EMCN: variants seen among roughly 807,000 people sequenced by gnomAD.
EMCN encodes the protein MUC-14.
EMCN carries 37 observed loss-of-function variants against 38.4 expected under a neutral mutation model. The observed-to-expected ratio is 0.96, with a 90% CI of 0.74 to 1.27. The LOEUF (loss-of-function observed/expected upper bound fraction) is 1.27. Ranked by LOEUF, EMCN falls within the 50% of genes most tolerant of loss-of-function variation. EMCN has a pLI of 0.00. For missense variants in EMCN, 318 were observed against 302.8 expected, an observed-to-expected ratio of 1.05 and a Z score of -0.37; for synonymous variants, 95 against 100.8, an observed-to-expected ratio of 0.94 and a Z score of 0.35.
At chr4:100,434,951 C>T (rs1227400116) in intron 5 of EMCN, among the ~76,000 whole-genome samples, 1 of 152,106 alleles carries the variant, frequency 6.6e-6, no homozygotes, top group Non-Finnish European at 1.5e-5. Flanking sequence ...AAGCATTCCC[C>T]TTGAAAACCA....
chr4:100,413,714 T>C (rs1001479818), intron 10 of EMCN, among the ~76,000 whole-genome samples: 1 of 152,222 alleles, frequency 6.6e-6, no homozygotes, highest in Non-Finnish European at 1.5e-5. Context: ...ATGGTAATCA[T>C]CTGGGTTGCC....
chr4:100,463,493 T>TA (rs754301293), intron 4 of EMCN, among the ~76,000 whole-genome samples: 8 of 152,260 alleles, frequency 5.3e-5, no homozygotes, highest in African/African-American at 1.7e-4. Context: ...CAAAGCTTTA[T>TA]AAAAAATATG....
In EMCN at chr4:100,465,473, C is replaced by T. The variant is rs1728290182; in HGVS notation, c.326G>A (p.Ser109Asn). The T allele has an allele frequency of 1.2e-6, 2 of 1,609,240 alleles. No homozygotes were observed. The highest frequency in any genetic ancestry group is 2.2e-5 in the East Asian group (1 of 44,720). ...TGAAACAGCATTTGGAAGTGTAACA[C>T]TTGTTACTGTTACGTTTGAAATGAT... ...DSIISNVTVT[S>N]VTLPNAVSTL... The change falls in exon 4 of 12, where the codon AGT becomes AAT. Residue 109 changes from serine (S) to asparagine (N), a missense_variant. Physicochemically the swap from Ser to Asn is conservative, Grantham distance 46. Transcript: ENST00000296420.
intron 5 of EMCN, among the ~76,000 whole-genome samples, chr4:100,429,660 G>A (rs1022531083): frequency 1.3e-5 from 2 of 152,026 alleles, no homozygotes; most frequent in Non-Finnish European, 2.9e-5. Flanking sequence ...GGAGATTAAC[G>A]TACTTTAATT....
intron 4 of EMCN, among the ~76,000 whole-genome samples, chr4:100,448,847 C>CCTTCCTTG (rs1560619363): frequency 1.3e-5 from 2 of 150,340 alleles, no homozygotes; most frequent in Admixed American, 6.6e-5. Flanking sequence ...TCCCTCCCTT[C>CCTTCCTTG]CTTGCTTTCT....
chr4:100,421,231 C>T, intron 8 of EMCN, 51 bp downstream of exon 8: 2 of 1,423,676 alleles, frequency 1.4e-6, no homozygotes, highest in Non-Finnish European at 2.0e-6. Flanking sequence ...CAAGTTTAAA[C>T]TGAGCATTCA....
intron 5 of EMCN, among the ~76,000 whole-genome samples, chr4:100,434,669 T>C (rs181328374): frequency 6.6e-6 from 1 of 152,248 alleles, no homozygotes; most frequent in Admixed American, 6.5e-5. Context: ...TCAAAAAGCT[T>C]ATCCACCATG....
At chr4:100,420,390 T>C (rs1726854787) in intron 8 of EMCN, among the ~76,000 whole-genome samples, 1 of 151,968 alleles carries the variant, frequency 6.6e-6, no homozygotes, top group Non-Finnish European at 1.5e-5. Context: ...AGTTGGAGAT[T>C]AGGTATGTTA....
intron 8 of EMCN, 37 bp from the exon 9 acceptor site, chr4:100,417,178 A>C: frequency 1.2e-6 from 2 of 1,611,986 alleles, no homozygotes; most frequent in Non-Finnish European, 1.7e-6. Context: ...AGTTGCAAAG[A>C]AGTTGGCTAC....
chr4:100,409,421 A>T (rs1726487402), intron 11 of EMCN, among the ~76,000 whole-genome samples: 2 of 152,184 alleles, frequency 1.3e-5, no homozygotes, highest in African/African-American at 4.8e-5. Context: ...ATTCCAAAGC[A>T]GGTTTAACGT....
At chr4:100,488,993 T>G (rs1182281842) in intron 1 of EMCN, among the ~76,000 whole-genome samples, 1 of 152,180 alleles carries the variant, frequency 6.6e-6, no homozygotes, top group Admixed American at 6.5e-5. Context: ...AATAATTACT[T>G]TTATTTACAT....
chr4:100,473,373 G>GTTTTTTTTTTTTTTTTT lies in EMCN; in HGVS notation c.259+1664_259+1665insAAAAAAAAAAAAAAAAA, dbSNP rs1256284835. Among the ~76,000 whole-genome samples, 99 of 66,004 alleles carry GTTTTTTTTTTTTTTTTT rather than the reference G, an allele frequency of 1.5e-3. 5 individuals carry two copies. The highest frequency in any genetic ancestry group is 2.3e-3 in the Non-Finnish European group (77 of 33,516). 43.3% of individuals were successfully genotyped at this position (66,004 alleles called of 152,430 possible). A position where few individuals can be genotyped will look rare whatever the true frequency, so the allele number is the denominator to read the frequency against. On this transcript the variant is annotated intron_variant, in intron 3 of 11. Coordinates refer to ENST00000296420, the MANE Select transcript of EMCN (RefSeq NM_016242.4). Reference sequence around the variant, plus strand: ...GGCATTTCCCGTTTCGTGTTTTTTTGTTTTTTTTTTTTGTTTTTTTTTTTG... The same window carrying GTTTTTTTTTTTTTTTTT: ...GGCATTTCCCGTTTCGTGTTTTTTTGTTTTTTTTTTTTTTTTTTTTTTTTTTTTTGTTTTTTTTTTTG...
In EMCN at chr4:100,412,682, A is replaced by G. The variant is rs1726597373; in HGVS notation, c.752-2327T>C. ...TCTTATGAAGGACTCCTTGATCTGC[A>G]ACATTTGATGCCCATTTTTTTTCCT... is the stretch of plus-strand genomic sequence containing the variant. On this transcript the variant is annotated intron_variant, in intron 10 of 11. Transcript: ENST00000296420. Among the ~76,000 whole-genome samples the G allele has an allele frequency of 2.0e-5, 3 of 152,318 alleles. No homozygotes were observed. The South Asian group carries it at 6.2e-4, about 32-fold the overall frequency.
At chr4:100,405,875 T>A (rs1187714747) in intron 11 of EMCN, among the ~76,000 whole-genome samples, 1 of 147,538 alleles carries the variant, frequency 6.8e-6, no homozygotes. Context: ...GTTGGTAGGG[T>A]TTTTTTATTA....
At chr4:100,513,814 C>T (rs1016850105) in intron 1 of EMCN, among the ~76,000 whole-genome samples, 2 of 152,106 alleles carry the variant, frequency 1.3e-5, no homozygotes, top group African/African-American at 4.8e-5. Flanking sequence ...AAGAAGGCAA[C>T]TATTTCATTC....
intron 4 of EMCN, among the ~76,000 whole-genome samples, chr4:100,448,968 T>C (rs1727763786): frequency 6.6e-6 from 1 of 152,000 alleles, no homozygotes; most frequent in Non-Finnish European, 1.5e-5. Context: ...TTCCATCTCA[T>C]TGCTTCATTC....
chr4:100,465,486 C>T lies in EMCN; in HGVS notation c.313G>A (p.Val105Ile), dbSNP rs78403369. ...VRKNDSIISNVTVTSVTLPNA... is the reference protein window; with the variant it reads ...VRKNDSIISNITVTSVTLPNA... ...GGAAGTGTAACACTTGTTACTGTTA[C>T]GTTTGAAATGATGGAGTCATTCTTC... The change falls in exon 4 of 12, where the codon GTA (valine) becomes ATA (isoleucine). Residue 105 changes from valine (V) to isoleucine (I), a missense_variant. Transcript: ENST00000296420. 5.4e-3 allele frequency: 8,684 copies of T among 1,607,914 alleles called. 149 individuals carry two copies. The African/African-American group carries it at 0.057, about 11-fold the overall frequency.
At chr4:100,491,524 C>T (rs975656189) in intron 1 of EMCN, among the ~76,000 whole-genome samples, 4 of 152,192 alleles carry the variant, frequency 2.6e-5, no homozygotes, top group Non-Finnish European at 1.5e-5. Flanking sequence ...GGCAGGTGGG[C>T]AAACTTCAAC....
At chr4:100,476,435 C>A (rs963118301) in intron 2 of EMCN, among the ~76,000 whole-genome samples, 1 of 152,014 alleles carries the variant, frequency 6.6e-6, no homozygotes, top group Non-Finnish European at 1.5e-5. Flanking sequence ...AGGTGTGAGC[C>A]GCAGCACCCG....
Sources: allele counts gnomAD v4.1 joint callset (sites outside exome capture counted in the v4.1 genomes callset), GRCh38; gene constraint gnomAD v4.1.1; transcripts MANE v1.5; gene names NCBI Gene and HGNC (gene_info 2026-07-23, HGNC 2026-07-21).